The following DPP6 variants were observed in gnomAD, a reference collection of about 807,000 sequenced individuals.
The protein encoded by DPP6 is A-type potassium channel modulatory protein DPP6.
Under a neutral mutation model 122.6 loss-of-function variants are expected in DPP6, and 69 were observed. That is an observed-to-expected ratio of 0.56 (90% CI 0.46 to 0.69). The LOEUF is 0.69. Among genes scored for constraint, DPP6 ranks in the 30% least tolerant of loss-of-function variants. The pLI, the probability that DPP6 is intolerant of heterozygous loss-of-function variation, is 0.00. For missense variants in DPP6, 928 were observed against 1,116.9 expected (o/e 0.83, Z 2.41); for synonymous variants, 418 against 433.1 (o/e 0.97, Z 0.43).
At chr7:154,683,971 C>T (rs1839441233) in intron 7 of DPP6, among the ~76,000 whole-genome samples, 3 of 152,168 alleles carry the variant, frequency 2.0e-5, no homozygotes, top group African/African-American at 7.2e-5. Context: ...TTGGCTCAAG[C>T]GATCCTCCCA....
At chr7:153,870,171 G>C in the DPP6 span, among the ~76,000 whole-genome samples, 1 of 152,100 alleles carries the variant, frequency 6.6e-6, no homozygotes, top group African/African-American at 2.4e-5. Context: ...GGTGTTCTCT[G>C]TACTTCCTGA....
the DPP6 span, among the ~76,000 whole-genome samples, chr7:153,760,669 T>A: frequency 3.9e-5 from 6 of 152,068 alleles, no homozygotes; most frequent in Admixed American, 3.3e-4. Flanking sequence ...GGGCTAATTA[T>A]CCCCACTACA....
intron 4 of DPP6, among the ~76,000 whole-genome samples, chr7:154,549,955 T>A (rs1482096794): frequency 6.6e-6 from 1 of 152,226 alleles, no homozygotes; most frequent in African/African-American, 2.4e-5. Context: ...TTTACCTGAT[T>A]GTTTTAAAAT....
intron 3 of DPP6, among the ~76,000 whole-genome samples, chr7:154,484,964 T>G (rs1823656867): frequency 1.5e-5 from 1 of 66,462 alleles, no homozygotes; most frequent in South Asian, 4.7e-4. Context: ...ACAGATGGGT[T>G]TTTTTTTTAA....
the DPP6 span, among the ~76,000 whole-genome samples, chr7:153,787,114 G>A: frequency 4.3e-5 from 6 of 141,038 alleles, no homozygotes; most frequent in South Asian, 2.4e-4. Context: ...ACCACGCCCG[G>A]CTAATTTTTG....
At chr7:154,191,960 C>T (rs959952254) in intron 1 of DPP6, among the ~76,000 whole-genome samples, 16 of 152,052 alleles carry the variant, frequency 1.1e-4, no homozygotes, top group Admixed American at 7.9e-4. Flanking sequence ...TATAATTTAT[C>T]GACTAAGAAA....
At chr7:153,960,042 A>G (rs1795267031) in intron 1 of DPP6, among the ~76,000 whole-genome samples, 1 of 152,200 alleles carries the variant, frequency 6.6e-6, no homozygotes, top group Non-Finnish European at 1.5e-5. Context: ...TGCTTTTTGA[A>G]AAGAGTAAAA....
chr7:154,761,310 C>T lies in DPP6; in HGVS notation c.884-8107C>T, dbSNP rs558063202. Among the ~76,000 whole-genome samples the T allele has an allele frequency of 9.1e-4, 139 of 152,286 alleles. 1 individual carries two copies. Among genetic ancestry groups the T allele is most frequent in the Middle Eastern group, 6.8e-3 (2 of 294 alleles). ...TGCTCACTCACGCGTCCATGGCTGA[C>T]GCTGGCTGCTAGATGAGGCCTGCTC... On this transcript the variant is annotated intron_variant, in intron 8 of 25. Coordinates refer to ENST00000377770, the MANE Select transcript of DPP6 (RefSeq NM_130797.4).
chr7:153,867,728 C>G, the DPP6 span, among the ~76,000 whole-genome samples: 2 of 151,998 alleles, frequency 1.3e-5, no homozygotes, highest in Non-Finnish European at 2.9e-5. Flanking sequence ...TGTCTTGTGC[C>G]GGTTTTCAAA....
intron 7 of DPP6, among the ~76,000 whole-genome samples, chr7:154,691,154 AAAG>A (rs1177687100): frequency 1.3e-5 from 2 of 152,216 alleles, no homozygotes; most frequent in Non-Finnish European, 2.9e-5. Flanking sequence ...GTCATGGAAC[AAAG>A]TGGTGAATGT....
chr7:154,834,594 A>C (rs563706696), intron 16 of DPP6, among the ~76,000 whole-genome samples: 1 of 152,222 alleles, frequency 6.6e-6, no homozygotes, highest in Non-Finnish European at 1.5e-5. Flanking sequence ...AAACGACACT[A>C]TTGTTCACAT....
chr7:153,930,416 G>A (rs1801117339), intron 1 of DPP6, among the ~76,000 whole-genome samples: 3 of 152,142 alleles, frequency 2.0e-5, no homozygotes, highest in Admixed American at 1.3e-4. Flanking sequence ...AGCATCCTCT[G>A]ATGTTCTCAG....
At chr7:154,120,171 T>A (rs985182563) in intron 1 of DPP6, among the ~76,000 whole-genome samples, 7 of 152,232 alleles carry the variant, frequency 4.6e-5, no homozygotes, top group African/African-American at 1.2e-4. Flanking sequence ...AATTTTTTTT[T>A]ATTTTTATCA....
chr7:154,007,369 C>T (rs548259768), intron 1 of DPP6, among the ~76,000 whole-genome samples: 130 of 152,282 alleles, frequency 8.5e-4, no homozygotes, highest in African/African-American at 3.0e-3. Context: ...TGAAAAATCA[C>T]CGATCAAGCA....
intron 25 of DPP6, chr7:154,890,919 T>C (rs1806548127): frequency 2.0e-5 from 3 of 152,212 alleles, no homozygotes. Context: ...AGAGGCAGTC[T>C]AGTGTCATAG....
At chr7:153,828,935 G>T in the DPP6 span, among the ~76,000 whole-genome samples, 1 of 152,090 alleles carries the variant, frequency 6.6e-6, no homozygotes, top group African/African-American at 2.4e-5. Flanking sequence ...TGAATGCAAG[G>T]TACATAGAAT....
chr7:154,428,169 G>A (rs1325834226), intron 1 of DPP6, among the ~76,000 whole-genome samples: 1 of 152,100 alleles, frequency 6.6e-6, no homozygotes, highest in Non-Finnish European at 1.5e-5. Context: ...GTTGAAAATT[G>A]GGAAGTATGA....
At chr7:153,860,573 G>C in the DPP6 span, among the ~76,000 whole-genome samples, 2 of 151,952 alleles carry the variant, frequency 1.3e-5, no homozygotes, top group East Asian at 3.9e-4. Flanking sequence ...AAGCCTAGAA[G>C]GGGGAATGCC....
At chr7:154,185,770 AATCCCC>A (rs1278562333) in intron 1 of DPP6, among the ~76,000 whole-genome samples, 1 of 152,198 alleles carries the variant, frequency 6.6e-6, no homozygotes, top group African/African-American at 2.4e-5. Flanking sequence ...TTACTTCTGG[AATCCCC>A]ATATCTACTC....
Sources: allele counts gnomAD v4.1 joint callset (sites outside exome capture counted in the v4.1 genomes callset), GRCh38; gene constraint gnomAD v4.1.1; transcripts MANE v1.5; gene names NCBI Gene and HGNC (gene_info 2026-07-23, HGNC 2026-07-21).